GABRR1: variants seen among roughly 807,000 people sequenced by gnomAD.
GABRR1 encodes the protein gamma-aminobutyric acid type A receptor subunit rho1.
Under a neutral mutation model 55.5 loss-of-function variants are expected in GABRR1, and 59 were observed. The observed-to-expected ratio is 1.06, with a 90% CI of 0.86 to 1.32. The LOEUF (loss-of-function observed/expected upper bound fraction) is 1.32. GABRR1 is among the 40% of genes most tolerant of loss of function. The probability of loss-of-function intolerance (pLI) is 0.00; values close to 1 mark genes in which losing one functional copy is unlikely to be tolerated. For missense variants in GABRR1, 602 were observed against 619.1 expected, an observed-to-expected ratio of 0.97 and a Z score of 0.29; for synonymous variants, 213 against 226.0, an observed-to-expected ratio of 0.94 and a Z score of 0.51.
chr6:89,199,247 AT>A, intron 4 of GABRR1, 114 bp downstream of exon 4: 1 of 887,774 alleles, frequency 1.1e-6, no homozygotes, highest in East Asian at 2.7e-5. Flanking sequence ...TAGTGTGGGG[AT>A]TCCCACCGCC....
intron 5 of GABRR1, among the ~76,000 whole-genome samples, chr6:89,190,557 T>A (rs377166827): frequency 6.6e-6 from 1 of 152,242 alleles, no homozygotes; most frequent in Non-Finnish European, 1.5e-5. Flanking sequence ...AAAACTTACA[T>A]GATATGGTTT....
intron 5 of GABRR1, among the ~76,000 whole-genome samples, chr6:89,196,853 AAGAAAGAAAGAAAGAAAGAAAGAAAGAG>A (rs1180436963): frequency 1.4e-4 from 20 of 139,224 alleles, no homozygotes; most frequent in African/African-American, 5.1e-4. Flanking sequence ...GAAAGAAAGA[AAGAAAGAAAGAAAGAAAGAAAGAAAGAG>A]AAGAGAAGAA....
chr6:89,187,327 G>T (rs181100805), intron 6 of GABRR1, among the ~76,000 whole-genome samples: 109 of 152,090 alleles, frequency 7.2e-4, no homozygotes, highest in African/African-American at 2.6e-3. Flanking sequence ...TTGTATTTAT[G>T]ATGCATGATA....
chr6:89,213,851 A>AT (rs1256722427), intron 1 of GABRR1, among the ~76,000 whole-genome samples: 10 of 31,880 alleles, frequency 3.1e-4, no homozygotes, highest in African/African-American at 1.7e-3. Flanking sequence ...GTGTTTTTAA[A>AT]ATTTTTTTCT....
At chr6:89,191,633 A>G (rs1772092490) in intron 5 of GABRR1, among the ~76,000 whole-genome samples, 1 of 151,634 alleles carries the variant, frequency 6.6e-6, no homozygotes, top group African/African-American at 2.4e-5. Context: ...TTGTGATGTA[A>G]TCAAAGCTCA....
chr6:89,218,792 G>A (rs190244648), upstream of GABRR1, among the ~76,000 whole-genome samples: 10 of 152,326 alleles, frequency 6.6e-5, no homozygotes, highest in South Asian at 1.5e-3. Flanking sequence ...GAAACCTGAC[G>A]TAGGTCCAGT....
At chr6:89,189,486 G>A (rs1475831622) in intron 6 of GABRR1, among the ~76,000 whole-genome samples, 1 of 122,130 alleles carries the variant, frequency 8.2e-6, no homozygotes, top group Non-Finnish European at 1.7e-5. Context: ...ACAGGAAGGG[G>A]AATATCACAC....
chr6:89,184,885 C>CTTTT (rs754802888), intron 7 of GABRR1, among the ~76,000 whole-genome samples: 39 of 123,722 alleles, frequency 3.2e-4, no homozygotes, highest in African/African-American at 1.1e-3. Context: ...TCTTTTCTTT[C>CTTTT]TTTTTTTTTT....
intron 1 of GABRR1, among the ~76,000 whole-genome samples, chr6:89,214,753 G>T (rs1772936125): frequency 6.6e-6 from 1 of 152,170 alleles, no homozygotes; most frequent in Non-Finnish European, 1.5e-5. Flanking sequence ...GGCCAAGCAT[G>T]GTGGCTCATG....
chr6:89,203,011 A>G (rs1267722056), intron 2 of GABRR1, among the ~76,000 whole-genome samples: 1 of 152,168 alleles, frequency 6.6e-6, no homozygotes, highest in Non-Finnish European at 1.5e-5. Flanking sequence ...ACCGCACCCA[A>G]CCTGGAAGTA....
chr6:89,198,371 A>G (rs1376525781), intron 4 of GABRR1, 128 bp from the exon 5 acceptor site: 3 of 497,494 alleles, frequency 6.0e-6, no homozygotes, highest in Non-Finnish European at 1.1e-5. Context: ...TTTTGCTTCT[A>G]GTCTCCAGAG....
At chr6:89,220,870 G>A (rs1034201524), upstream of GABRR1, among the ~76,000 whole-genome samples, 2 of 151,954 alleles carry the variant, frequency 1.3e-5, no homozygotes, top group African/African-American at 2.4e-5. Context: ...ACACGCATTC[G>A]CCACTACACC....
upstream of GABRR1, among the ~76,000 whole-genome samples, chr6:89,218,525 C>T (rs117019440): frequency 1.7e-4 from 26 of 152,308 alleles, no homozygotes; most frequent in East Asian, 3.9e-3. Flanking sequence ...CTCACTAACA[C>T]GATTCTTCTT....
rs1473848547 is a variant in GABRR1 at position 89,230,709 on chromosome 6, T to C, written c.-411+507A>G. 5.3e-5 allele frequency among the ~76,000 whole-genome samples: 8 copies of C among 151,544 alleles called. No individual in the cohort carries two copies. In the South Asian group the frequency reaches 1.7e-3, roughly 32 times the overall value. On this transcript the variant is annotated intron_variant, in intron 1 of 11. Coordinates refer to the GABRR1 transcript ENST00000369451. The stretch of plus-strand genomic sequence containing the variant: ...TTTAAGTCTGCAGAGGTTACTGCTG[T>C]CTTTTTGTTTGTCTGTGCCCTGCCC...
chr6:89,223,442 T>G (rs1773143680), intron 1 of GABRR1, among the ~76,000 whole-genome samples: 2 of 152,242 alleles, frequency 1.3e-5, no homozygotes, highest in South Asian at 4.1e-4. Flanking sequence ...CTTTATCCAC[T>G]CGTTGATTGT....
chr6:89,189,192 C>T (rs1246031942), intron 6 of GABRR1, among the ~76,000 whole-genome samples: 2 of 152,082 alleles, frequency 1.3e-5, no homozygotes, highest in Admixed American at 6.6e-5. Flanking sequence ...TTAAAAAGAT[C>T]AGTTATGTTT....
intron 1 of GABRR1, among the ~76,000 whole-genome samples, chr6:89,225,225 T>C (rs1228553137): frequency 6.6e-6 from 1 of 151,890 alleles, no homozygotes; most frequent in Non-Finnish European, 1.5e-5. Context: ...ATTTGTTGAA[T>C]AGGGTGTACT....
intron 6 of GABRR1, among the ~76,000 whole-genome samples, chr6:89,185,896 A>C (rs1423016476): frequency 6.6e-6 from 1 of 152,226 alleles, no homozygotes; most frequent in Non-Finnish European, 1.5e-5. Context: ...AAACACTATC[A>C]GGTAATAAAG....
At chr6:89,192,368 A>G (rs10944436) in intron 5 of GABRR1, among the ~76,000 whole-genome samples, 67,282 of 151,834 alleles carry the variant, frequency 0.44, 15,270 homozygotes, top group Non-Finnish European at 0.5. Flanking sequence ...CTGCCCCCAG[A>G]GTGGTCAGAC....
Sources: gnomAD v4.1 joint callset for allele counts (sites outside exome capture counted in the v4.1 genomes callset) on GRCh38, gnomAD v4.1.1 for gene constraint, MANE v1.5 for transcripts, NCBI Gene and HGNC (gene_info 2026-07-23, HGNC 2026-07-21) for gene names.